FHIT: variants seen among roughly 807,000 people sequenced by gnomAD.
FHIT encodes the protein fragile histidine triad diadenosine triphosphatase.
Under a neutral mutation model 17.9 loss-of-function variants are expected in FHIT, and 19 were observed. The observed-to-expected ratio is 1.06, with a 90% CI of 0.74 to 1.56. The LOEUF (loss-of-function observed/expected upper bound fraction) is 1.56, where lower values mean the gene tolerates loss of function less well. FHIT is among the 40% of genes most tolerant of loss of function. The pLI is 0.00. For synonymous variants in FHIT, 81 were observed against 69.7 expected, an observed-to-expected ratio of 1.16 and a Z score of -0.81; for missense variants, 248 against 189.2, an observed-to-expected ratio of 1.31 and a Z score of -1.82.
chr3:59,856,996 G>C (rs1403558514), intron 8 of FHIT, among the ~76,000 whole-genome samples: 2 of 152,000 alleles, frequency 1.3e-5, no homozygotes, highest in Non-Finnish European at 2.9e-5. Flanking sequence ...AGTCACATAA[G>C]TTGCAAAAAG....
At chr3:60,941,414 T>TAGAC (rs1553774502) in intron 3 of FHIT, among the ~76,000 whole-genome samples, 1 of 152,076 alleles carries the variant, frequency 6.6e-6, no homozygotes, top group Non-Finnish European at 1.5e-5. Flanking sequence ...GTCCAACACT[T>TAGAC]AAAGAAATTA....
intron 5 of FHIT, among the ~76,000 whole-genome samples, chr3:60,250,518 C>A (rs1303470989): frequency 7.9e-5 from 12 of 152,112 alleles, no homozygotes. Context: ...AGTAAAGCTT[C>A]CTAAGAAACA....
chr3:60,794,745 G>A (rs1413072773), intron 4 of FHIT, among the ~76,000 whole-genome samples: 1 of 152,146 alleles, frequency 6.6e-6, no homozygotes, highest in East Asian at 1.9e-4. Context: ...CCGTAAATGA[G>A]TTTGATTTAT....
chr3:59,974,102 C>G (rs1708304595), intron 7 of FHIT, among the ~76,000 whole-genome samples: 1 of 152,042 alleles, frequency 6.6e-6, no homozygotes, highest in Admixed American at 6.6e-5. Context: ...TTGCTATAGC[C>G]TTAGCAATCT....
At chr3:61,070,347 C>T (rs764131482) in intron 2 of FHIT, among the ~76,000 whole-genome samples, 27 of 152,106 alleles carry the variant, frequency 1.8e-4, no homozygotes, top group Non-Finnish European at 4.0e-4. Context: ...GAGGATGGAG[C>T]CCAGAGCAGG....
chr3:61,240,566 G>A (rs1323774071), intron 1 of FHIT, among the ~76,000 whole-genome samples: 2 of 152,166 alleles, frequency 1.3e-5, no homozygotes, highest in Non-Finnish European at 1.5e-5. Context: ...TCAATCTGCT[G>A]TAAATTTTGA....
In FHIT at chr3:60,178,914, G is replaced by A. The variant is rs1023221885; in HGVS notation, c.104-164762C>T. On this transcript the variant is annotated intron_variant, in intron 5 of 9. Coordinates refer to ENST00000492590, the MANE Select transcript of FHIT (RefSeq NM_002012.4). ...TTCTCCTAAAGCGTTTTAGCTTGGG[G>A]ACGATTTTCCCTTTGTTCTTTATAT... Among the ~76,000 whole-genome samples, 5 of 152,110 alleles carry A rather than the reference G, an allele frequency of 3.3e-5. No individual in the cohort carries two copies. The East Asian group carries it at 9.6e-4, about 29-fold the overall frequency.
intron 8 of FHIT, among the ~76,000 whole-genome samples, chr3:59,839,188 C>T (rs1410219324): frequency 6.6e-6 from 1 of 151,784 alleles, no homozygotes; most frequent in African/African-American, 2.4e-5. Flanking sequence ...CGTGGTGGTA[C>T]ATGCCTGTAA....
At chr3:60,265,372 C>T (rs541221207) in intron 5 of FHIT, among the ~76,000 whole-genome samples, 35 of 152,026 alleles carry the variant, frequency 2.3e-4, no homozygotes, top group African/African-American at 8.2e-4. Flanking sequence ...GATATCTACA[C>T]ACAAAAGAGT....
At chr3:61,006,600 C>T (rs1161162836) in intron 3 of FHIT, among the ~76,000 whole-genome samples, 1 of 97,776 alleles carries the variant, frequency 1.0e-5, no homozygotes, top group Non-Finnish European at 2.0e-5. Flanking sequence ...ATTTGGAAAA[C>T]ATATTCTTTT....
At chr3:60,748,457 A>G (rs1282159570) in intron 4 of FHIT, among the ~76,000 whole-genome samples, 1 of 152,182 alleles carries the variant, frequency 6.6e-6, no homozygotes, top group East Asian at 1.9e-4. Context: ...ACCAGAATCC[A>G]GGTTCACATT....
intron 5 of FHIT, among the ~76,000 whole-genome samples, chr3:60,342,541 T>C (rs560563599): frequency 3.3e-5 from 5 of 152,368 alleles, no homozygotes; most frequent in East Asian, 1.9e-4. Context: ...TTTTAATAGA[T>C]TGAATATTCT....
At chr3:60,606,172 T>A (rs1348684158) in intron 4 of FHIT, among the ~76,000 whole-genome samples, 1 of 152,106 alleles carries the variant, frequency 6.6e-6, no homozygotes, top group African/African-American at 2.4e-5. Flanking sequence ...ATATTCCTAA[T>A]GGATGTTTAC....
intron 8 of FHIT, among the ~76,000 whole-genome samples, chr3:59,762,730 T>A (rs1477807195): frequency 2.6e-5 from 4 of 152,170 alleles, no homozygotes; most frequent in Non-Finnish European, 5.9e-5. Flanking sequence ...CTGGAAAACC[T>A]CTTCTGAGGG....
intron 4 of FHIT, among the ~76,000 whole-genome samples, chr3:60,686,748 G>T (rs542573087): frequency 6.6e-6 from 1 of 151,964 alleles, no homozygotes; most frequent in Non-Finnish European, 1.5e-5. Context: ...CAGTAGCTGG[G>T]GTTGCTCCAA....
chr3:60,172,329 A>T (rs949955933), intron 5 of FHIT, among the ~76,000 whole-genome samples: 20 of 152,240 alleles, frequency 1.3e-4, no homozygotes, highest in African/African-American at 4.8e-4. Flanking sequence ...GCAATGGCAC[A>T]ATCTCAGCTC....
At chr3:61,066,848 C>A (rs9871875) in intron 2 of FHIT, among the ~76,000 whole-genome samples, 90,651 of 151,532 alleles carry the variant, frequency 0.6, 27,951 homozygotes, top group Non-Finnish European at 0.65. Flanking sequence ...AGACAGTAAA[C>A]ACTGGAAGGA....
chr3:60,437,897 T>C (rs979648827), intron 5 of FHIT, among the ~76,000 whole-genome samples: 2 of 151,296 alleles, frequency 1.3e-5, no homozygotes, highest in African/African-American at 4.9e-5. Context: ...CTTGAATTAA[T>C]AGATATCTAC....
intron 2 of FHIT, among the ~76,000 whole-genome samples, chr3:61,106,742 C>T (rs1308904996): frequency 6.6e-6 from 1 of 152,154 alleles, no homozygotes; most frequent in Non-Finnish European, 1.5e-5. Context: ...CTCACTGCAA[C>T]CTCCACCTCC....
Sources: gnomAD v4.1 joint callset for allele counts (sites outside exome capture counted in the v4.1 genomes callset) on GRCh38, gnomAD v4.1.1 for gene constraint, MANE v1.5 for transcripts, NCBI Gene and HGNC (gene_info 2026-07-23, HGNC 2026-07-21) for gene names.